MLKL: variants seen among roughly 807,000 people sequenced by gnomAD.
MLKL encodes mixed lineage kinase domain like pseudokinase, also known as mixed lineage kinase domain-like protein.
MLKL carries 55 observed loss-of-function variants against 56.5 expected under a neutral mutation model. The ratio of observed to expected loss-of-function variants is 0.97; its 90% CI spans 0.78 to 1.22. The LOEUF (loss-of-function observed/expected upper bound fraction) is 1.22, where lower values mean the gene tolerates loss of function less well. Among genes scored for constraint, MLKL ranks in the 50% most tolerant of loss-of-function variants. The probability of loss-of-function intolerance (pLI) is 0.00; values close to 1 mark genes in which losing one functional copy is unlikely to be tolerated. For synonymous variants in MLKL, 251 were observed against 208.3 expected, an observed-to-expected ratio of 1.20 and a Z score of -1.76; for missense variants, 694 against 573.9, an observed-to-expected ratio of 1.21 and a Z score of -2.14.
Position 74,696,428 on chromosome 16 carries a change from T to A in MLKL, c.-2-669A>T, listed in dbSNP as rs530056341. ...AAATATGTTTCTTTCTGTTTTTTTT[T>A]AAAACATGTGGACTATCTTTCATTT... On this transcript the variant is annotated intron_variant, in intron 1 of 10. Coordinates refer to ENST00000308807, the MANE Select transcript of MLKL (RefSeq NM_152649.4). Among the ~76,000 whole-genome samples, 67 of 152,140 alleles carry A rather than the reference T, an allele frequency of 4.4e-4. 1 individual carries two copies. The highest frequency in any genetic ancestry group is 3.1e-3 in the East Asian group (16 of 5,182).
At chr16:74,684,736 C>G (rs1180761416) in intron 5 of MLKL, among the ~76,000 whole-genome samples, 2 of 152,108 alleles carry the variant, frequency 1.3e-5, no homozygotes, top group African/African-American at 4.8e-5. Flanking sequence ...CCTTGTGATC[C>G]ACCCACCTCA....
chr16:74,694,610 A>C (rs570174331), intron 2 of MLKL, among the ~76,000 whole-genome samples: 143 of 152,196 alleles, frequency 9.4e-4, no homozygotes, highest in Middle Eastern at 6.8e-3. Context: ...ACAAAAAATA[A>C]AATAAAAATT....
chr16:74,700,065 C>T (rs117639974), intron 1 of MLKL, among the ~76,000 whole-genome samples: 4,805 of 152,068 alleles, frequency 0.032, 114 homozygotes, highest in Non-Finnish European at 0.045. Flanking sequence ...CACCTCTTCC[C>T]TCCAAAAAAT....
At chr16:74,693,498 A>AAAG (rs1463960567) in intron 2 of MLKL, among the ~76,000 whole-genome samples, 42 of 140,568 alleles carry the variant, frequency 3.0e-4, no homozygotes, top group Middle Eastern at 3.6e-3. Context: ...AGAAAGAAAG[A>AAAG]AAAGAAAAAA....
At chr16:74,685,694 G>T in intron 4 of MLKL, 111 bp from the exon 5 acceptor site, 2 of 755,328 alleles carry the variant, frequency 2.6e-6, no homozygotes, top group South Asian at 3.1e-5. Flanking sequence ...AGCATCTGGG[G>T]TGAGAACTGG....
intron 5 of MLKL, 144 bp from the exon 6 acceptor site, chr16:74,682,930 TG>T: frequency 1.0e-6 from 1 of 964,354 alleles, no homozygotes; most frequent in Non-Finnish European, 1.5e-6. Context: ...CCCACAGTTT[TG>T]GTCCCCGGCC....
rs556448069 is a variant in MLKL at position 74,685,704 on chromosome 16, G to T, written c.723-121C>A. On this transcript the variant is annotated intron_variant, in intron 4 of 10. Transcript: ENST00000308807. The stretch of plus-strand genomic sequence containing the variant: ...GTATCAGCATCTGGGGTGAGAACTG[G>T]TGCCAGGATGAACTCAGCTACTGAT... 3 of 721,546 alleles carry T rather than the reference G, an allele frequency of 4.2e-6. No homozygotes were observed. The East Asian group carries it at 8.1e-5, about 19-fold the overall frequency. The allele number at this position is 721,546 out of a possible 1,614,324, so 44.7% of individuals were successfully genotyped here. A position where few individuals can be genotyped will look rare whatever the true frequency, so the allele number is the denominator to read the frequency against.
chr16:74,692,283 T>C, intron 3 of MLKL, 59 bp downstream of exon 3: 1 of 1,474,772 alleles, frequency 6.8e-7, no homozygotes, highest in Non-Finnish European at 9.4e-7. Context: ...GGGGTCCCAG[T>C]AAACTGATGA....
intron 6 of MLKL, among the ~76,000 whole-genome samples, chr16:74,682,050 A>T (rs764379550): frequency 5.3e-5 from 8 of 151,882 alleles, no homozygotes; most frequent in African/African-American, 1.9e-4. Flanking sequence ...GTTCGAGACC[A>T]GCCTAGGCAG....
intron 6 of MLKL, among the ~76,000 whole-genome samples, chr16:74,679,751 T>C (rs1959823039): frequency 6.6e-6 from 1 of 151,288 alleles, no homozygotes; most frequent in Admixed American, 6.6e-5. Flanking sequence ...GGAGGTGGAG[T>C]TTGCAGTGAG....
intron 1 of MLKL, among the ~76,000 whole-genome samples, chr16:74,697,872 A>T (rs914109848): frequency 1.4e-4 from 21 of 152,132 alleles, no homozygotes; most frequent in African/African-American, 5.1e-4. Flanking sequence ...GTTGCATTCA[A>T]ATAATCACAA....
At chr16:74,692,647 G>A (rs960750902) in intron 2 of MLKL, among the ~76,000 whole-genome samples, 5 of 152,232 alleles carry the variant, frequency 3.3e-5, no homozygotes, top group Non-Finnish European at 7.3e-5. Context: ...GAAAAGAGAT[G>A]TCTGTCACTT....
At position 74,682,719 on chromosome 16, in the gene MLKL, A is replaced by C. The variant is rs1008783024; in HGVS notation, c.888T>G (p.Asp296Glu). ...CELGTLRELLDREKDLTLGKR... is the reference protein window; with the variant it reads ...CELGTLRELLEREKDLTLGKR... Reference sequence around the variant, plus strand: ...TGCCAAGTGTGAGGTCTTTTTCCCTATCCAACAGCTCCCTCAGGGTCCCGA... The same window carrying C: ...TGCCAAGTGTGAGGTCTTTTTCCCTCTCCAACAGCTCCCTCAGGGTCCCGA... Residue 296 changes from aspartate (D) to glutamate (E), a missense_variant, in exon 6 of 11, where the codon GAT becomes GAG. Transcript: ENST00000308807. 1 of 1,613,974 alleles carries C rather than the reference A, an allele frequency of 6.2e-7. No homozygotes were observed. Among genetic ancestry groups the C allele is most frequent in the Non-Finnish European group, 8.5e-7 (1 of 1,180,002 alleles).
intron 6 of MLKL, among the ~76,000 whole-genome samples, chr16:74,680,222 C>T (rs1327687663): frequency 3.3e-5 from 5 of 152,150 alleles, no homozygotes; most frequent in Admixed American, 2.0e-4. Context: ...GTAAATAGAG[C>T]TGGTAAAAAG....
rs143744398 is a variant in MLKL at position 74,682,743 on chromosome 16, G to A, written c.864C>T (p.Leu288=). 311 of 1,613,914 alleles carry A rather than the reference G, an allele frequency of 1.9e-4. 2 individuals are homozygous for A. Among genetic ancestry groups the A allele is most frequent in the Middle Eastern group, 1.6e-4 (1 of 6,084 alleles). ...TATCCAACAGCTCCCTCAGGGTCCC[G>A]AGTTCACAGTACTCCATGACAATGG... ...QFSIVMEYCE[L]GTLRELLDRE... The change falls in exon 6 of 11, where the codon CTC becomes CTT. Residue 288 remains leucine, a synonymous_variant. Transcript: ENST00000308807.
intron 6 of MLKL, among the ~76,000 whole-genome samples, chr16:74,682,112 G>A (rs1960016574): frequency 6.6e-6 from 1 of 151,286 alleles, no homozygotes; most frequent in Non-Finnish European, 1.5e-5. Flanking sequence ...AAAACTGGCT[G>A]AGTGTAGTGG....
At chr16:74,682,391 C>G (rs928227047) in intron 6 of MLKL, among the ~76,000 whole-genome samples, 1 of 152,186 alleles carries the variant, frequency 6.6e-6, no homozygotes, top group Non-Finnish European at 1.5e-5. Flanking sequence ...TATGCTAAAT[C>G]TGTCCACTCC....
At chr16:74,679,069 A>C (rs1959781362) in intron 6 of MLKL, 89 bp from the exon 7 acceptor site, 1 of 1,022,224 alleles carries the variant, frequency 9.8e-7, no homozygotes, top group Non-Finnish European at 1.5e-6. Flanking sequence ...ATGAGGCTGG[A>C]CAGTACCATG....
At chr16:74,677,141 C>T (rs1334576391) in intron 7 of MLKL, 1 of 152,240 alleles carries the variant, frequency 6.6e-6, no homozygotes, top group Non-Finnish European at 1.5e-5. Context: ...CAAGTTCTGC[C>T]TCCTGGGTTC....
Sources: allele counts gnomAD v4.1 joint callset (sites outside exome capture counted in the v4.1 genomes callset), GRCh38; gene constraint gnomAD v4.1.1; transcripts MANE v1.5; gene names NCBI Gene and HGNC (gene_info 2026-07-23, HGNC 2026-07-21).